The following ATP10B variants were observed in gnomAD, a reference collection of about 807,000 sequenced individuals.
ATP10B encodes phospholipid-transporting ATPase VB.
In ATP10B, 122 loss-of-function variants were observed where a neutral mutation model predicts 141.2. The ratio of observed to expected loss-of-function variants is 0.86; its 90% CI spans 0.75 to 1.00. The LOEUF (loss-of-function observed/expected upper bound fraction) is 1.00, where lower values mean the gene tolerates loss of function less well. Among genes scored for constraint, ATP10B ranks in the 50% least tolerant of loss-of-function variants. The pLI, the probability that ATP10B is intolerant of heterozygous loss-of-function variation, is 0.00. For missense variants in ATP10B, 1,876 were observed against 1,825.3 expected, an observed-to-expected ratio of 1.03 and a Z score of -0.51; for synonymous variants, 685 against 692.0, an observed-to-expected ratio of 0.99 and a Z score of 0.16.
intron 1 of ATP10B, among the ~76,000 whole-genome samples, chr5:160,851,145 A>ACCTGGCAAATTCAGAGAAAATTG (rs1157624414): frequency 6.6e-6 from 1 of 152,212 alleles, no homozygotes; most frequent in African/African-American, 2.4e-5. Flanking sequence ...TCCTCTGCCT[A>ACCTGGCAAATTCAGAGAAAATTG]CCTGGCAAAT....
At chr5:160,667,231 A>G (rs1187740865) in intron 7 of ATP10B, among the ~76,000 whole-genome samples, 2 of 151,872 alleles carry the variant, frequency 1.3e-5, no homozygotes, top group East Asian at 3.9e-4. Context: ...ACAAAAACAA[A>G]AAACAAAACA....
In ATP10B at chr5:160,768,970, A is replaced by G. The variant is rs115144496; in HGVS notation, c.-331+16589T>C. Among the ~76,000 whole-genome samples, 636 of 152,272 alleles carry G rather than the reference A, an allele frequency of 4.2e-3. 8 individuals are homozygous for G. The highest frequency in any genetic ancestry group is 0.015 in the African/African-American group (613 of 41,552). ...CAGTCTGGAGTTGGCATTTTTCAGT[A>G]CTGAGCAAGTAAGGGGTCTTCCCCA... is the stretch of plus-strand genomic sequence containing the variant. On this transcript the variant is annotated intron_variant, in intron 2 of 25. Transcript: ENST00000327245.
intron 6 of ATP10B, among the ~76,000 whole-genome samples, chr5:160,676,785 C>A (rs1372467078): frequency 3.3e-5 from 5 of 152,118 alleles, no homozygotes; most frequent in Non-Finnish European, 7.3e-5. Flanking sequence ...TATAATGAAC[C>A]CAGCATTTAA....
chr5:160,837,190 T>TC (rs1561910735), intron 1 of ATP10B, among the ~76,000 whole-genome samples: 1 of 152,128 alleles, frequency 6.6e-6, no homozygotes, highest in African/African-American at 2.4e-5. Flanking sequence ...GTGCTTTTTT[T>TC]CCCAACTAGA....
At chr5:160,781,547 G>A (rs1770714695) in intron 2 of ATP10B, among the ~76,000 whole-genome samples, 1 of 151,934 alleles carries the variant, frequency 6.6e-6, no homozygotes. Flanking sequence ...AAGAAACTTA[G>A]GTAAGATCCT....
chr5:160,724,380 C>T (rs1342896982), intron 2 of ATP10B, among the ~76,000 whole-genome samples: 2 of 151,662 alleles, frequency 1.3e-5, no homozygotes, highest in Non-Finnish European at 2.9e-5. Flanking sequence ...ACCTCAGTCC[C>T]CCAAAGTGCT....
Position 160,715,092 on chromosome 5 carries a change from G to C in ATP10B, c.-205+1817C>G, listed in dbSNP as rs934282773. Among the ~76,000 whole-genome samples, 13 of 146,882 alleles carry C rather than the reference G, an allele frequency of 8.9e-5. No homozygotes were observed. The East Asian group carries it at 2.4e-3, about 27-fold the overall frequency. ...TGTTTGTCTGTGCCCTGCCCCCAGA[G>C]GTGGAGCCTACAGAGGCAGGCAGGC... On this transcript the variant is annotated intron_variant, in intron 3 of 25. Transcript: ENST00000327245.
intron 1 of ATP10B, among the ~76,000 whole-genome samples, chr5:160,821,119 G>T (rs931965585): frequency 2.0e-5 from 3 of 152,060 alleles, no homozygotes; most frequent in Non-Finnish European, 2.9e-5. Flanking sequence ...AATACCTAAA[G>T]ACTACAGCAA....
chr5:160,860,165 T>A, the ATP10B span, among the ~76,000 whole-genome samples: 1 of 151,930 alleles, frequency 6.6e-6, no homozygotes, highest in South Asian at 2.1e-4. Context: ...TTAAGGATAA[T>A]TTGGCTCATG....
At chr5:160,773,859 C>T (rs1019392052) in intron 2 of ATP10B, among the ~76,000 whole-genome samples, 44 of 152,290 alleles carry the variant, frequency 2.9e-4, no homozygotes, top group African/African-American at 1.1e-3. Context: ...CCTTTGATCA[C>T]AGAATCTAAG....
the ATP10B span, among the ~76,000 whole-genome samples, chr5:160,924,717 T>G: frequency 6.6e-6 from 1 of 152,204 alleles, no homozygotes. Flanking sequence ...GCACAGCCCT[T>G]GAAACAATTT....
the ATP10B span, among the ~76,000 whole-genome samples, chr5:160,895,405 A>T: frequency 6.6e-6 from 1 of 152,224 alleles, no homozygotes; most frequent in South Asian, 2.1e-4. Flanking sequence ...TTGCAATCCC[A>T]GTCTCTGATA....
At chr5:160,606,310 C>A (rs537504213) in intron 19 of ATP10B, among the ~76,000 whole-genome samples, 1 of 152,238 alleles carries the variant, frequency 6.6e-6, no homozygotes, top group African/African-American at 2.4e-5. Context: ...AATAAACACA[C>A]AAATTAAACA....
intron 1 of ATP10B, among the ~76,000 whole-genome samples, chr5:160,801,613 G>T (rs921273057): frequency 6.6e-6 from 1 of 152,118 alleles, no homozygotes; most frequent in African/African-American, 2.4e-5. Flanking sequence ...TGTATTAAAT[G>T]CATGACTACT....
In ATP10B at chr5:160,563,239, G is replaced by T. The variant is rs530870006; in HGVS notation, c.*2214C>A. On this transcript the variant is annotated 3_prime_UTR_variant, in exon 26 of 26. Coordinates refer to ENST00000327245, the MANE Select transcript of ATP10B (RefSeq NM_025153.3). ...ACAATCATTAGCATTATGTTATAGG[G>T]GAATAGTGGTTATAACTTTTCCCTG... 1 of 152,112 alleles carries T rather than the reference G, an allele frequency of 6.6e-6. No individual in the cohort carries two copies. Among genetic ancestry groups the T allele is most frequent in the East Asian group, 1.9e-4 (1 of 5,186 alleles). 9.4% of individuals were successfully genotyped at this position (152,112 alleles called of 1,614,324 possible).
At chr5:160,603,896 A>G in intron 20 of ATP10B, 69 bp downstream of exon 20, 1 of 1,417,486 alleles carries the variant, frequency 7.1e-7, no homozygotes, top group African/African-American at 1.4e-5. Flanking sequence ...AGTTTCTCCA[A>G]CACTCTGGAT....
intron 3 of ATP10B, among the ~76,000 whole-genome samples, chr5:160,715,921 G>C (rs1298755232): frequency 6.6e-6 from 1 of 152,020 alleles, no homozygotes; most frequent in African/African-American, 2.4e-5. Context: ...ATCTTGGCCA[G>C]GCTGGTCTTG....
At chr5:160,731,689 T>A (rs1325374104) in intron 2 of ATP10B, among the ~76,000 whole-genome samples, 1 of 152,114 alleles carries the variant, frequency 6.6e-6, no homozygotes, top group African/African-American at 2.4e-5. Context: ...GGGAACTAAG[T>A]CTGGGGACGA....
chr5:160,624,144 A>C (rs1758493945), intron 13 of ATP10B, among the ~76,000 whole-genome samples: 1 of 152,244 alleles, frequency 6.6e-6, no homozygotes, highest in South Asian at 2.1e-4. Flanking sequence ...AATCTTGATT[A>C]ATTTGTGCAG....
Sources: gnomAD v4.1 joint callset for allele counts (sites outside exome capture counted in the v4.1 genomes callset) on GRCh38, gnomAD v4.1.1 for gene constraint, MANE v1.5 for transcripts, NCBI Gene and HGNC (gene_info 2026-07-23, HGNC 2026-07-21) for gene names.